Variants in SUMF1 observed in about 807,000 individuals in gnomAD.
The protein encoded by SUMF1 is sulfatase modifying factor 1.
SUMF1 carries 48 observed loss-of-function variants against 47.6 expected under a neutral mutation model. That is an observed-to-expected ratio of 1.01 (90% CI 0.80 to 1.28). The LOEUF is 1.28. SUMF1 is among the 50% of genes most tolerant of loss of function. The pLI, the probability that SUMF1 is intolerant of heterozygous loss-of-function variation, is 0.00. For missense variants in SUMF1, 571 were observed against 485.4 expected (o/e 1.18, Z -1.66); for synonymous variants, 230 against 192.1 (o/e 1.20, Z -1.63).
intron 8 of SUMF1, among the ~76,000 whole-genome samples, chr3:4,335,499 T>A (rs2125133011): frequency 6.6e-6 from 1 of 152,330 alleles, no homozygotes; most frequent in African/African-American, 2.4e-5. Flanking sequence ...GGGAAACTCA[T>A]CTTCCTTGCT....
At chr3:4,462,942 G>A (rs991367216) in intron 1 of SUMF1, among the ~76,000 whole-genome samples, 1 of 152,138 alleles carries the variant, frequency 6.6e-6, no homozygotes, top group African/African-American at 2.4e-5. Context: ...CTGTAAAGTG[G>A]GAGATGATCT....
rs1313055572 is a variant in SUMF1 at position 4,467,116 on chromosome 3, C to G, written c.130G>C (p.Gly44Arg). The change falls in exon 1 of 9, where the codon GGG (glycine) becomes CGG (arginine). Residue 44 changes from glycine to arginine, a missense_variant. By Grantham distance (125) the Gly-to-Arg change is moderately radical. Coordinates refer to ENST00000272902, the MANE Select transcript of SUMF1 (RefSeq NM_182760.4). ...CAGCCGCAAGAACCCGCAAGGGACCCCGCGCCCGCACCGGTCCCGGCCTCC... is the reference window on the plus strand; with the variant it reads ...CAGCCGCAAGAACCCGCAAGGGACCGCGCGCCCGCACCGGTCCCGGCCTCC... ...SQEAGTGAGAGSLAGSCGCGT... is the reference protein window; with the variant it reads ...SQEAGTGAGARSLAGSCGCGT... 6.4e-7 allele frequency: 1 copy of G among 1,561,556 alleles called. No individual in the cohort carries two copies. Among genetic ancestry groups the G allele is most frequent in the South Asian group, 1.2e-5 (1 of 85,514 alleles).
At chr3:4,122,493 C>G (rs899544960) in intron 8 of SUMF1, among the ~76,000 whole-genome samples, 1 of 152,142 alleles carries the variant, frequency 6.6e-6, no homozygotes, top group African/African-American at 2.4e-5. Flanking sequence ...AGTGGTTTTA[C>G]AACAGTGTGA....
In SUMF1 at chr3:4,362,114, C is replaced by T. The variant is rs1699781686; in HGVS notation, c.*30G>A. ...CCAATGTAGGTCAGACACGACTGCT[C>T]CTTGGACTGGGGAAGACTTTCCTTG... On this transcript the variant is annotated 3_prime_UTR_variant, in exon 9 of 9. Transcript: ENST00000272902. 6.2e-7 allele frequency: 1 copy of T among 1,603,400 alleles called. No homozygotes were observed.
At chr3:4,257,842 C>G (rs111811928) in intron 8 of SUMF1, among the ~76,000 whole-genome samples, 1 of 151,388 alleles carries the variant, frequency 6.6e-6, no homozygotes, top group Non-Finnish European at 1.5e-5. Context: ...GGAAGCATCA[C>G]GCTACCTGAC....
At chr3:4,049,035 A>T (rs542959663) in intron 9 of SUMF1, among the ~76,000 whole-genome samples, 5 of 152,316 alleles carry the variant, frequency 3.3e-5, no homozygotes, top group African/African-American at 1.2e-4. Flanking sequence ...ACAGATATAG[A>T]TTTGAAAGCC....
At chr3:4,368,074 C>T (rs1170365634) in intron 8 of SUMF1, among the ~76,000 whole-genome samples, 3 of 152,014 alleles carry the variant, frequency 2.0e-5, no homozygotes, top group Non-Finnish European at 4.4e-5. Flanking sequence ...AGAAAATTTT[C>T]GCAACCTACT....
Position 4,303,358 on chromosome 3 carries a change from G to C in SUMF1, c.1014+72972C>G, listed in dbSNP as rs200589970. 1.4e-5 allele frequency: 22 copies of C among 1,540,382 alleles called. No individual in the cohort carries two copies. The East Asian group carries it at 5.5e-4, about 38-fold the overall frequency. On this transcript the variant is annotated intron_variant and NMD_transcript_variant, in intron 8 of 12. Transcript: ENST00000448413. ...GGACTGTCAGGGTAGTGGGCGTTGC[G>C]TGAGGCGGGTAAATGTTCGCGGAAG...
At chr3:4,141,923 T>C (rs9859741) in intron 8 of SUMF1, among the ~76,000 whole-genome samples, 1 of 151,768 alleles carries the variant, frequency 6.6e-6, no homozygotes, top group East Asian at 1.9e-4. Flanking sequence ...GGAACCCACA[T>C]GTTTTCAAAA....
At chr3:4,313,641 T>C in intron 8 of SUMF1, 1 of 1,614,128 alleles carries the variant, frequency 6.2e-7, no homozygotes, top group Non-Finnish European at 8.5e-7. Context: ...TCCTGCCTTT[T>C]GACAGTTCTC....
intron 3 of SUMF1, among the ~76,000 whole-genome samples, chr3:4,444,994 CT>C (rs1242253120): frequency 1.3e-5 from 2 of 152,212 alleles, no homozygotes; most frequent in Non-Finnish European, 2.9e-5. Context: ...GACTGAAGCA[CT>C]GCTAGGACTC....
intron 8 of SUMF1, among the ~76,000 whole-genome samples, chr3:4,218,790 T>C (rs1171725541): frequency 1.3e-5 from 2 of 152,176 alleles, no homozygotes; most frequent in African/African-American, 2.4e-5. Flanking sequence ...GACAACATTT[T>C]GTACATATTT....
intron 9 of SUMF1, among the ~76,000 whole-genome samples, chr3:4,051,134 A>G (rs1272823919): frequency 6.6e-6 from 1 of 152,022 alleles, no homozygotes; most frequent in African/African-American, 2.4e-5. Context: ...AAAAAGAAAA[A>G]AAAAAAGGGT....
Position 4,467,246 on chromosome 3 carries a change from G to A in SUMF1, c.-1C>T, listed in dbSNP as rs753791256. The A allele has an allele frequency of 6.2e-7, 1 of 1,607,362 alleles. No individual in the cohort carries two copies. The highest frequency in any genetic ancestry group is 8.5e-7 in the Non-Finnish European group (1 of 1,177,458). ...CCAGCCCTAGTGCGGGCGCAGCCAT[G>A]TTGTCCCGCGGGCCATGTGACCCGG... On this transcript the variant is annotated 5_prime_UTR_variant, in exon 1 of 9. Transcript: ENST00000272902.
intron 8 of SUMF1, among the ~76,000 whole-genome samples, chr3:4,330,829 C>G (rs794205): frequency 6.6e-6 from 1 of 152,010 alleles, no homozygotes; most frequent in Admixed American, 6.5e-5. Flanking sequence ...TTTAGTAAAA[C>G]ATTGTCAACA....
intron 8 of SUMF1, among the ~76,000 whole-genome samples, chr3:4,270,306 G>C (rs1318661835): frequency 1.3e-5 from 2 of 152,056 alleles, no homozygotes; most frequent in Admixed American, 6.6e-5. Flanking sequence ...CCATCTGCAA[G>C]AAAACAAACA....
At chr3:4,123,384 T>C (rs768063103) in intron 8 of SUMF1, among the ~76,000 whole-genome samples, 12 of 152,144 alleles carry the variant, frequency 7.9e-5, no homozygotes, top group Non-Finnish European at 1.6e-4. Context: ...TTAACAAATA[T>C]TGATGGAGGT....
chr3:4,086,689 A>G (rs776319566), intron 8 of SUMF1, among the ~76,000 whole-genome samples: 1 of 152,094 alleles, frequency 6.6e-6, no homozygotes, highest in African/African-American at 2.4e-5. Flanking sequence ...CCCAAATCTC[A>G]TCTTGAATTT....
intron 8 of SUMF1, among the ~76,000 whole-genome samples, chr3:4,344,991 A>G (rs891350371): frequency 6.6e-6 from 1 of 152,126 alleles, no homozygotes; most frequent in Non-Finnish European, 1.5e-5. Flanking sequence ...AGAAAAAAAG[A>G]GTGAAAAGGA....
Sources: allele counts gnomAD v4.1 joint callset (sites outside exome capture counted in the v4.1 genomes callset), GRCh38; gene constraint gnomAD v4.1.1; transcripts MANE v1.5; gene names NCBI Gene and HGNC (gene_info 2026-07-23, HGNC 2026-07-21).